Variants in ZAP70 observed in about 807,000 individuals in gnomAD.
The protein encoded by ZAP70 is tyrosine-protein kinase ZAP-70.
A neutral mutation model predicts 65.8 loss-of-function variants in ZAP70; 27 were observed. The observed-to-expected ratio is 0.41, with a 90% CI of 0.30 to 0.57. ZAP70 has a LOEUF of 0.57. ZAP70 is among the 20% of genes least tolerant of loss of function. ZAP70 has a pLI of 0.28. For synonymous variants in ZAP70, 363 were observed against 360.8 expected (o/e 1.01, Z -0.07); for missense variants, 696 against 870.5 (o/e 0.80, Z 2.52).
Position 97,731,048 on chromosome 2 carries a change from C to T in ZAP70, c.564-1835C>T, listed in dbSNP as rs944862017. On this transcript the variant is annotated intron_variant, in intron 4 of 13. Transcript: ENST00000264972. This position sits in a 1 kb window ranked among gnomAD's most constrained non-coding sequence, Gnocchi z 4.0. ...CCAGCCCGGGCTGTGGAGCGAGACT[C>T]GGTCTCAAAAAAAAAAAAAAAAAAA... is the stretch of plus-strand genomic sequence containing the variant. 1.6e-5 allele frequency among the ~76,000 whole-genome samples: 2 copies of T among 125,234 alleles called. No individual in the cohort carries two copies. Among genetic ancestry groups the T allele is most frequent in the East Asian group, 2.4e-4 (1 of 4,132 alleles). The allele number at this position is 125,234 out of a possible 152,430, so 82.2% of individuals were successfully genotyped here. A position where few individuals can be genotyped will look rare whatever the true frequency, so the allele number is the denominator to read the frequency against.
chr2:97,724,629 G>A (rs1437027985), intron 3 of ZAP70, 191 bp downstream of exon 3: 2 of 1,533,122 alleles, frequency 1.3e-6, no homozygotes, highest in Admixed American at 2.0e-5. Context: ...CCGTGGTGGC[G>A]GTCGCCTTCC....
chr2:97,720,761 G>A (rs1293450523), intron 2 of ZAP70, among the ~76,000 whole-genome samples: 2 of 152,192 alleles, frequency 1.3e-5, no homozygotes, highest in African/African-American at 4.8e-5. Context: ...GTCTGTAACT[G>A]TTGGGACATC....
intron 4 of ZAP70, among the ~76,000 whole-genome samples, chr2:97,729,274 C>T (rs1454845529): frequency 1.3e-5 from 2 of 152,172 alleles, no homozygotes; most frequent in East Asian, 3.8e-4. Flanking sequence ...CGAGGCACAG[C>T]GAGGATAAGC....
rs1185231721 is a variant in ZAP70, at chr2:97,733,254, G to A, written c.790+42G>A. 23 of 1,609,392 alleles carry A rather than the reference G, an allele frequency of 1.4e-5. No homozygotes were observed. The South Asian group carries it at 2.0e-4, about 14-fold the overall frequency. ...GGCGGGCGGTGGGCGGGGGCGGCAG[G>A]AGACCTGGCCCCCAGCCCTCACTGT... On this transcript the variant is annotated intron_variant, in intron 6 of 13. Transcript: ENST00000264972.
chr2:97,722,694 A>G (rs1480319970), intron 2 of ZAP70, among the ~76,000 whole-genome samples: 3 of 152,248 alleles, frequency 2.0e-5, no homozygotes, highest in South Asian at 4.1e-4. Context: ...CCTAGGAGGG[A>G]TAGTTCTATA....
intron 13 of ZAP70, 80 bp downstream of exon 13, chr2:97,738,187 C>A: frequency 7.4e-7 from 1 of 1,360,426 alleles, no homozygotes; most frequent in Non-Finnish European, 1.0e-6. Context: ...GTCAATATAA[C>A]TCTACCCAAT....
At chr2:97,747,815 GTTTTTTTTTTTTTTTT>G in the ZAP70 span, among the ~76,000 whole-genome samples, 39 of 54,796 alleles carry the variant, frequency 7.1e-4, no homozygotes, top group East Asian at 8.0e-3. Context: ...CTGGCACGAG[GTTTTTTTTTTTTTTTT>G]TTTTTTTTTT....
At position 97,737,482 on chromosome 2, in the gene ZAP70, C is replaced by A. The variant is rs542619486; in HGVS notation, c.1299C>A (p.Ile433=). The change falls in exon 11 of 14, where the codon ATC becomes ATA. Residue 433 remains isoleucine (I), a synonymous_variant. Coordinates refer to ENST00000264972, the MANE Select transcript of ZAP70 (RefSeq NM_001079.4). This position sits in a 1 kb window ranked among gnomAD's most constrained non-coding sequence, Gnocchi z 5.0. ...HKFLVGKREE[I]PVSNVAELLH... is the part of the protein sequence containing the mutation. ...TTCCCCGCCACCCCAGGGAGGAGAT[C>A]CCTGTGAGCAATGTGGCCGAGCTGC... 1 of 1,614,082 alleles carries A rather than the reference C, an allele frequency of 6.2e-7. No individual in the cohort carries two copies. The highest frequency in any genetic ancestry group is 1.7e-5 in the Admixed American group (1 of 60,008).
chr2:97,721,581 T>A (rs376434162), intron 2 of ZAP70, among the ~76,000 whole-genome samples: 1,906 of 38,424 alleles, frequency 0.05, 21 homozygotes, highest in African/African-American at 0.13. Flanking sequence ...GGCTGGCTGA[T>A]TTTTTTTTTT....
rs775710963 is a variant in ZAP70 at position 97,733,360 on chromosome 2, T to C, written c.837+17T>C. On this transcript the variant is annotated intron_variant, in intron 7 of 13. Transcript: ENST00000264972. ...TTGACTCATGTGAGTTGGGGGCACC[T>C]GGAGTGTGGCCTTGGGGATGGAGCT... 8.2e-6 allele frequency: 13 copies of C among 1,590,138 alleles called. No homozygotes were observed. The highest frequency in any genetic ancestry group is 6.7e-5 in the East Asian group (3 of 44,452).
rs747985410 is a variant in ZAP70 at position 97,737,748 on chromosome 2, C to T, written c.1483-9C>T. On this transcript the variant is annotated splice_polypyrimidine_tract_variant and intron_variant, in intron 11 of 13. Transcript: ENST00000264972. The surrounding 1 kb of genome is among the most constrained non-coding windows in gnomAD (Gnocchi z 5.0). ...GACCCCTGATCCAGCAGCATCTCCCCCTCCCCAGGCCCGCTCAGCAGGGAA... is the reference window on the plus strand; with the variant it reads ...GACCCCTGATCCAGCAGCATCTCCCTCTCCCCAGGCCCGCTCAGCAGGGAA... 2.5e-6 allele frequency: 4 copies of T among 1,614,142 alleles called. No homozygotes were observed. The highest frequency in any genetic ancestry group is 3.4e-6 in the Non-Finnish European group (4 of 1,179,996).
Position 97,739,655 on chromosome 2 carries a change from C to A in ZAP70, c.*157C>A. ...GGCCACACCGGCCTTGCATTGCCTG[C>A]CTGGCCCCCTGTCCTCTCTGGCTGG... On this transcript the variant is annotated 3_prime_UTR_variant, in exon 14 of 14. Transcript: ENST00000264972. The A allele has an allele frequency of 8.6e-7, 1 of 1,164,132 alleles. No individual in the cohort carries two copies. The highest frequency in any genetic ancestry group is 1.2e-6 in the Non-Finnish European group (1 of 833,982). The allele number at this position is 1,164,132 out of a possible 1,614,324, so 72.1% of individuals were successfully genotyped here.
Position 97,738,073 on chromosome 2 carries a change from C to G in ZAP70, c.1702C>G (p.Leu568Val), listed in dbSNP as rs780975280. The part of the protein sequence containing the change: ...MECPPECPPE[L>V]YALMSDCWIY... ...GTGCCCACCAGAGTGTCCACCCGAA[C>G]TGTACGCACTCATGAGTGACTGCTG... Residue 568 changes from leucine (L) to valine (V), a missense_variant, in exon 13 of 14, where the codon CTG becomes GTG. Physicochemically the swap from Leu to Val is conservative, Grantham distance 32. Transcript: ENST00000264972. The G allele has an allele frequency of 1.7e-5, 27 of 1,609,558 alleles. 1 individual carries two copies. In the South Asian group the frequency reaches 2.9e-4, roughly 17 times the overall value.
Position 97,736,494 on chromosome 2 carries a change from G to A in ZAP70, c.1290-979G>A, listed in dbSNP as rs1482312729. On this transcript the variant is annotated intron_variant, in intron 10 of 13. Transcript: ENST00000264972. The surrounding 1 kb of genome is among the most constrained non-coding windows in gnomAD (Gnocchi z 4.0). ...TTAGTAGCACTTGGGATTCATTAGC[G>A]AATAAACAAGGCAGAGATCCATGCT... Among the ~76,000 whole-genome samples, 4 of 152,216 alleles carry A rather than the reference G, an allele frequency of 2.6e-5. No individual in the cohort carries two copies. Among genetic ancestry groups the A allele is most frequent in the Non-Finnish European group, 5.9e-5 (4 of 68,044 alleles).
In ZAP70 at chr2:97,715,967, AG is replaced by A. The variant is rs1471161927; in HGVS notation, c.-22+1976del. ...CTGCCTCGGGGAGCTCAGCCTGGTGAGGGACTGAGGAGCAGAGACAGAGGCC... is the reference window on the plus strand; with the variant it reads ...CTGCCTCGGGGAGCTCAGCCTGGTGAGGACTGAGGAGCAGAGACAGAGGCC... On this transcript the variant is annotated intron_variant, in intron 2 of 13. Coordinates refer to ENST00000264972, the MANE Select transcript of ZAP70 (RefSeq NM_001079.4). The surrounding 1 kb of genome is among the most constrained non-coding windows in gnomAD (Gnocchi z 4.1). 1.3e-5 allele frequency among the ~76,000 whole-genome samples: 2 copies of A among 152,134 alleles called. No individual in the cohort carries two copies. Among genetic ancestry groups the A allele is most frequent in the South Asian group, 4.1e-4 (2 of 4,822 alleles).
chr2:97,754,797 C>T, the ZAP70 span, among the ~76,000 whole-genome samples: 2 of 152,134 alleles, frequency 1.3e-5, no homozygotes, highest in African/African-American at 4.8e-5. Flanking sequence ...AAAGAGAATC[C>T]CAAGACTTGA....
the ZAP70 span, among the ~76,000 whole-genome samples, chr2:97,749,865 A>C: frequency 6.6e-6 from 1 of 152,192 alleles, no homozygotes; most frequent in Non-Finnish European, 1.5e-5. Flanking sequence ...GAGGGGCCCC[A>C]GGCAGTGGCA....
chr2:97,745,656 G>GT, the ZAP70 span, among the ~76,000 whole-genome samples: 1 of 152,216 alleles, frequency 6.6e-6, no homozygotes, highest in Non-Finnish European at 1.5e-5. Flanking sequence ...TGCACACACC[G>GT]TAACTACGGC....
chr2:97,719,898 C>T (rs564863057), intron 2 of ZAP70, among the ~76,000 whole-genome samples: 18 of 152,244 alleles, frequency 1.2e-4, no homozygotes, highest in African/African-American at 2.2e-4. Context: ...ACCTCTGGTG[C>T]GTTTTCCGTC....
Sources: gnomAD v4.1 joint callset for allele counts (sites outside exome capture counted in the v4.1 genomes callset) on GRCh38, gnomAD v4.1.1 for gene constraint, Gnocchi (gnomAD v3.1) non-coding constraint, MANE v1.5 for transcripts, NCBI Gene and HGNC (gene_info 2026-07-23, HGNC 2026-07-21) for gene names.